NMNAT2: variants seen among roughly 807,000 people sequenced by gnomAD.
NMNAT2 encodes the protein nicotinamide nucleotide adenylyltransferase 2, also known as nicotinamide/nicotinic acid mononucleotide adenylyltransferase 2.
Under a neutral mutation model 41.6 loss-of-function variants are expected in NMNAT2, and 11 were observed. The observed-to-expected ratio is 0.26, with a 90% CI of 0.17 to 0.44. NMNAT2 has a LOEUF of 0.44. NMNAT2 is among the 20% of genes least tolerant of loss of function. The pLI, the probability that NMNAT2 is intolerant of heterozygous loss-of-function variation, is 1.00. For synonymous variants in NMNAT2, 148 were observed against 151.2 expected (o/e 0.98, Z 0.16); for missense variants, 288 against 407.7 (o/e 0.71, Z 2.53).
intron 1 of NMNAT2, among the ~76,000 whole-genome samples, chr1:183,389,585 G>A (rs1273407823): frequency 6.6e-6 from 1 of 151,250 alleles, no homozygotes; most frequent in Non-Finnish European, 1.5e-5. Context: ...AAAGAGGTTA[G>A]ATTAGCAGGG....
chr1:183,328,450 TCCTTGGGCAATGC>T (rs1183911104), intron 1 of NMNAT2, among the ~76,000 whole-genome samples: 1 of 152,186 alleles, frequency 6.6e-6, no homozygotes, highest in Admixed American at 6.5e-5. Context: ...CTACCATTCC[TCCTTGGGCAATGC>T]CCTTGGGCAA....
At chr1:183,340,252 G>C (rs1275575876) in intron 1 of NMNAT2, among the ~76,000 whole-genome samples, 2 of 151,892 alleles carry the variant, frequency 1.3e-5, no homozygotes, top group Non-Finnish European at 2.9e-5. Flanking sequence ...AATAGATACA[G>C]CTGGTTAGTA....
At chr1:183,405,556 T>C (rs936746517) in intron 1 of NMNAT2, among the ~76,000 whole-genome samples, 1 of 152,228 alleles carries the variant, frequency 6.6e-6, no homozygotes, top group East Asian at 1.9e-4. Context: ...TTTAGCCACT[T>C]ACATGGGAGC....
At chr1:183,413,155 T>C (rs1368857145) in intron 1 of NMNAT2, among the ~76,000 whole-genome samples, 1 of 152,164 alleles carries the variant, frequency 6.6e-6, no homozygotes, top group Non-Finnish European at 1.5e-5. Flanking sequence ...AGGATGATAA[T>C]GGGGAAGATG....
At chr1:183,331,174 T>C (rs1167987885) in intron 1 of NMNAT2, among the ~76,000 whole-genome samples, 2 of 151,708 alleles carry the variant, frequency 1.3e-5, no homozygotes, top group African/African-American at 2.4e-5. Context: ...TGTGAAATCA[T>C]GAGGGGCAGG....
intron 1 of NMNAT2, among the ~76,000 whole-genome samples, chr1:183,386,937 G>A (rs1288785452): frequency 6.6e-6 from 1 of 152,028 alleles, no homozygotes; most frequent in Non-Finnish European, 1.5e-5. Flanking sequence ...ATGCGAAGAT[G>A]TTTTGCTCTG....
In NMNAT2 at chr1:183,321,665, C is replaced by T. The variant is rs74765529; in HGVS notation, c.86-27872G>A. On this transcript the variant is annotated intron_variant, in intron 1 of 10. Transcript: ENST00000287713. Reference sequence around the variant, plus strand: ...GTTGAGGTAGGAGAATAGCTTGAACCTGGGAGGTAGAGATTGCAAGATTGT... The same window carrying T: ...GTTGAGGTAGGAGAATAGCTTGAACTTGGGAGGTAGAGATTGCAAGATTGT... 1.1e-3 allele frequency among the ~76,000 whole-genome samples: 172 copies of T among 151,864 alleles called. 2 individuals carry two copies. The East Asian group carries it at 0.027, about 24-fold the overall frequency.
chr1:183,285,562 C>G (rs1424638836), intron 5 of NMNAT2, among the ~76,000 whole-genome samples: 2 of 152,186 alleles, frequency 1.3e-5, no homozygotes, highest in Non-Finnish European at 2.9e-5. Flanking sequence ...TTGTGAATTA[C>G]CCTGTTTATA....
chr1:183,263,941 A>T (rs2102283483), intron 8 of NMNAT2, among the ~76,000 whole-genome samples: 1 of 152,304 alleles, frequency 6.6e-6, no homozygotes, highest in Admixed American at 6.5e-5. Flanking sequence ...TAAGTACTGA[A>T]TTAAAGCTCC....
chr1:183,323,254 C>T (rs1310862738), intron 1 of NMNAT2, among the ~76,000 whole-genome samples: 2 of 152,180 alleles, frequency 1.3e-5, no homozygotes, highest in Admixed American at 1.3e-4. Flanking sequence ...TCTTCATATT[C>T]ATCCCTAAAT....
intron 1 of NMNAT2, among the ~76,000 whole-genome samples, chr1:183,350,783 C>A (rs1201461473): frequency 6.6e-6 from 1 of 152,214 alleles, no homozygotes; most frequent in Admixed American, 6.5e-5. Context: ...TCACAAACAG[C>A]CCTTCTGAGT....
intron 1 of NMNAT2, among the ~76,000 whole-genome samples, chr1:183,318,056 T>C (rs1662290171): frequency 6.6e-6 from 1 of 152,200 alleles, no homozygotes. Flanking sequence ...TCTATAGCCT[T>C]CACAAACAGT....
At chr1:183,283,734 G>C (rs1281028092) in intron 7 of NMNAT2, 2 of 495,966 alleles carry the variant, frequency 4.0e-6, no homozygotes, top group African/African-American at 3.9e-5. Context: ...TTTTTTAGAG[G>C]AGGGAGTGGA....
intron 8 of NMNAT2, chr1:183,267,092 A>T (rs972787560): frequency 1.2e-5 from 2 of 165,532 alleles, no homozygotes; most frequent in Non-Finnish European, 2.7e-5. Flanking sequence ...CCCAGACAGC[A>T]TTGGAAAACA....
intron 1 of NMNAT2, among the ~76,000 whole-genome samples, chr1:183,297,366 T>C (rs898425145): frequency 2.7e-5 from 4 of 146,140 alleles, no homozygotes; most frequent in African/African-American, 5.0e-5. Context: ...TTCTAGAAAG[T>C]AGAAAAGGAA....
intron 1 of NMNAT2, among the ~76,000 whole-genome samples, chr1:183,296,031 G>T (rs144477032): frequency 1.3e-5 from 2 of 152,094 alleles, no homozygotes; most frequent in Non-Finnish European, 2.9e-5. Flanking sequence ...TGTATTTTTA[G>T]TAGAGATGGG....
At chr1:183,275,713 C>T (rs1351804206) in intron 8 of NMNAT2, among the ~76,000 whole-genome samples, 1 of 151,974 alleles carries the variant, frequency 6.6e-6, no homozygotes, top group Non-Finnish European at 1.5e-5. Context: ...TGCTCTGTCA[C>T]CCAGGCTGGA....
rs779065488 is a variant in NMNAT2 at position 183,278,557 on chromosome 1, G to C, written c.647C>G (p.Ala216Gly). The change falls in exon 8 of 11, where the codon GCA becomes GGA. Residue 216 changes from alanine (A) to glycine (G), a missense_variant. By Grantham distance (60) the Ala-to-Gly change is moderately conservative. Around this residue, in one of 3 missense-constraint regions of NMNAT2, gnomAD observed 181 missense variants for 213.7 expected, o/e 0.85. Transcript: ENST00000287713. ...SFCIPGLWNE[A>G]DMEVIVGDFG... The stretch of plus-strand genomic sequence containing the variant: ...GGCAATAACCTTGCTACTCACATCT[G>C]CCTCGTTCCAGAGCCCTGGGATGCA... 1 of 1,610,130 alleles carries C rather than the reference G, an allele frequency of 6.2e-7. No individual in the cohort carries two copies. Among genetic ancestry groups the C allele is most frequent in the Non-Finnish European group, 8.5e-7 (1 of 1,176,480 alleles).
rs887671911 is a variant in NMNAT2 at position 183,304,673 on chromosome 1, A to T, written c.86-10880T>A. The T allele has an allele frequency of 1.9e-6, 3 of 1,613,776 alleles. No individual in the cohort carries two copies. The African/African-American group carries it at 4.0e-5, about 22-fold the overall frequency. On this transcript the variant is annotated intron_variant, in intron 1 of 10. Coordinates refer to ENST00000287713, the MANE Select transcript of NMNAT2 (RefSeq NM_015039.4). ...GCCTCAGGCTGTCTGAACTCACCTG[A>T]GAGAGTAACAAACACTTCCCAGAGC...
Sources: allele counts gnomAD v4.1 joint callset (sites outside exome capture counted in the v4.1 genomes callset), GRCh38; gene constraint gnomAD v4.1.1; regional missense constraint gnomAD v4.1.1; transcripts MANE v1.5; gene names NCBI Gene and HGNC (gene_info 2026-07-23, HGNC 2026-07-21).